The following FAM174B variants were observed in gnomAD, a reference collection of about 807,000 sequenced individuals.
The protein encoded by FAM174B is membrane protein FAM174B.
Under a neutral mutation model 10.9 loss-of-function variants are expected in FAM174B, and 12 were observed. That is an observed-to-expected ratio of 1.10 (90% confidence interval 0.71 to 1.79). FAM174B has a LOEUF of 1.79. FAM174B is among the 40% of genes most tolerant of loss of function. FAM174B has a pLI of 0.00. For synonymous variants in FAM174B, 132 were observed against 115.8 expected, an observed-to-expected ratio of 1.14 and a Z score of -0.90; for missense variants, 266 against 233.3, an observed-to-expected ratio of 1.14 and a Z score of -0.91.
intron 1 of FAM174B, among the ~76,000 whole-genome samples, chr15:92,640,714 G>C (rs147885621): frequency 7.9e-5 from 12 of 151,534 alleles, no homozygotes; most frequent in African/African-American, 2.7e-4. Flanking sequence ...GCATGATTTT[G>C]GCTCACTGCA....
At chr15:92,639,979 C>T (rs1227466319) in intron 1 of FAM174B, among the ~76,000 whole-genome samples, 4 of 151,950 alleles carry the variant, frequency 2.6e-5, no homozygotes, top group Admixed American at 1.3e-4. Flanking sequence ...CAATCAGATG[C>T]TATAGCAGAA....
At chr15:92,632,884 G>A (rs566159002) in intron 1 of FAM174B, among the ~76,000 whole-genome samples, 1 of 149,706 alleles carries the variant, frequency 6.7e-6, no homozygotes, top group East Asian at 2.0e-4. Flanking sequence ...GGAAAGCACT[G>A]ACAGAAGCCA....
intron 1 of FAM174B, among the ~76,000 whole-genome samples, chr15:92,633,147 T>C (rs2141956189): frequency 1.3e-5 from 2 of 152,216 alleles, no homozygotes; most frequent in Middle Eastern, 6.8e-3. Context: ...CACTGAAGAA[T>C]CAGGTTCCCT....
chr15:92,617,678 G>A lies in FAM174B; in HGVS notation c.*1778C>T, dbSNP rs1180072519. 2.9e-6 allele frequency: 2 copies of A among 681,650 alleles called. No individual in the cohort carries two copies. The highest frequency in any genetic ancestry group is 5.3e-6 in the Non-Finnish European group (2 of 377,522). The allele number at this position is 681,650 out of a possible 1,614,324, so 42.2% of individuals were successfully genotyped here. On this transcript the variant is annotated 3_prime_UTR_variant, in exon 3 of 3. Coordinates refer to ENST00000327355, the MANE Select transcript of FAM174B (RefSeq NM_207446.3). ...GCAGTTCCAGTTCAAAGGTTGAGGG[G>A]GCGAACAGCTGCGAGGTGGCCAGGC...
intron 2 of FAM174B, 83 bp downstream of exon 2, chr15:92,630,131 C>T: frequency 6.9e-7 from 1 of 1,443,470 alleles, no homozygotes; most frequent in Non-Finnish European, 9.6e-7. Context: ...AAAACAAGAA[C>T]ACATGGACAC....
intron 1 of FAM174B, among the ~76,000 whole-genome samples, chr15:92,648,908 C>T (rs1255530369): frequency 6.6e-6 from 1 of 152,206 alleles, no homozygotes; most frequent in Non-Finnish European, 1.5e-5. Flanking sequence ...TAACATGATC[C>T]TAAATTCATG....
At chr15:92,627,818 T>C (rs1253217126) in intron 2 of FAM174B, among the ~76,000 whole-genome samples, 4 of 152,206 alleles carry the variant, frequency 2.6e-5, no homozygotes, top group African/African-American at 9.6e-5. Flanking sequence ...TGAATAGTAA[T>C]AAGGACATGG....
chr15:92,631,589 G>A (rs926617200), intron 1 of FAM174B, among the ~76,000 whole-genome samples: 3 of 140,272 alleles, frequency 2.1e-5, no homozygotes, highest in East Asian at 4.1e-4. Context: ...CCGCCTCCCG[G>A]GTTCACACCA....
At position 92,644,586 on chromosome 15, in the gene FAM174B, C is replaced by A. The variant is rs781442123; in HGVS notation, c.344+10730G>T. The stretch of plus-strand genomic sequence containing the variant: ...GTCCTAGGGCACCCCCTCCCCACCA[C>A]GCTGCAGCCCCTCAGTTCCAGCACC... On this transcript the variant is annotated intron_variant, in intron 1 of 2. Coordinates refer to ENST00000327355, the MANE Select transcript of FAM174B (RefSeq NM_207446.3). 1.2e-4 allele frequency among the ~76,000 whole-genome samples: 19 copies of A among 152,142 alleles called. 1 individual carries two copies. Among genetic ancestry groups the A allele is most frequent in the South Asian group, 4.2e-4 (2 of 4,816 alleles).
intron 1 of FAM174B, among the ~76,000 whole-genome samples, chr15:92,630,671 ACACAAATG>A (rs926643251): frequency 5.6e-5 from 8 of 142,808 alleles, no homozygotes; most frequent in African/African-American, 2.3e-4. Context: ...GATAAATAAT[ACACAAATG>A]CAATATATAT....
chr15:92,619,676 A>ACG, intron 2 of FAM174B: 1 of 600,622 alleles, frequency 1.7e-6, no homozygotes, highest in Non-Finnish European at 3.0e-6. Context: ...TCCCTCCCCC[A>ACG]GCTCCCCACA....
intron 2 of FAM174B, among the ~76,000 whole-genome samples, chr15:92,628,338 C>CTTTTTTTTTT (rs35251307): frequency 1.2e-5 from 1 of 84,918 alleles, no homozygotes; most frequent in Non-Finnish European, 2.1e-5. Context: ...CTAATTTTTG[C>CTTTTTTTTTT]TTTTTTTTTT....
At chr15:92,627,958 T>C (rs1386481250) in intron 2 of FAM174B, among the ~76,000 whole-genome samples, 1 of 152,168 alleles carries the variant, frequency 6.6e-6, no homozygotes, top group Non-Finnish European at 1.5e-5. Context: ...AGAGAATTGG[T>C]TCCAAGACCT....
intron 2 of FAM174B, among the ~76,000 whole-genome samples, chr15:92,622,285 A>G (rs2050724724): frequency 6.6e-6 from 1 of 152,254 alleles, no homozygotes; most frequent in Admixed American, 6.5e-5. Context: ...CACACTGCTC[A>G]TCGCAGAATC....
At chr15:92,639,138 A>G (rs1316765460) in intron 1 of FAM174B, 1 of 152,264 alleles carries the variant, frequency 6.6e-6, no homozygotes, top group Non-Finnish European at 1.5e-5. Context: ...TCACACTCCA[A>G]CAAGAGGGTA....
chr15:92,649,654 C>T lies in FAM174B; in HGVS notation c.344+5662G>A, dbSNP rs2141964939. ...GCCCAGAAAGGTTCAATAAACTGCC[C>T]ATATCAGACAACCAGCAGGCCTTGA... On this transcript the variant is annotated intron_variant, in intron 1 of 2. Coordinates refer to ENST00000327355, the MANE Select transcript of FAM174B (RefSeq NM_207446.3). 2.0e-5 allele frequency among the ~76,000 whole-genome samples: 3 copies of T among 152,252 alleles called. 1 individual carries two copies. The highest frequency in any genetic ancestry group is 2.0e-4 in the Admixed American group (3 of 15,300).
At chr15:92,628,429 CTCGGCCTCTCAAA>C (rs2050768400) in intron 2 of FAM174B, among the ~76,000 whole-genome samples, 1 of 149,368 alleles carries the variant, frequency 6.7e-6, no homozygotes, top group Admixed American at 6.7e-5. Flanking sequence ...ATCTGCACTC[CTCGGCCTCTCAAA>C]ATGCTGAGAC....
rs1014371811 is a variant in FAM174B at position 92,620,737 on chromosome 15, C to T, written c.477-1278G>A. On this transcript the variant is annotated intron_variant, in intron 2 of 2. Transcript: ENST00000327355. ...GGCTAAGGCATGAGACTCACTTGAA[C>T]CTGGAAGGCAGAGGTTGCAGTGAGC... Among the ~76,000 whole-genome samples, 3 of 146,832 alleles carry T rather than the reference C, an allele frequency of 2.0e-5. No homozygotes were observed. The Admixed American group carries it at 2.1e-4, about 10-fold the overall frequency.
At chr15:92,623,602 T>C (rs1433515716) in intron 2 of FAM174B, among the ~76,000 whole-genome samples, 5 of 152,160 alleles carry the variant, frequency 3.3e-5, no homozygotes, top group African/African-American at 9.7e-5. Flanking sequence ...GCAGGCAAAA[T>C]AGCCCTCAAC....
Sources: gnomAD v4.1 joint callset for allele counts (sites outside exome capture counted in the v4.1 genomes callset) on GRCh38, gnomAD v4.1.1 for gene constraint, MANE v1.5 for transcripts, NCBI Gene and HGNC (gene_info 2026-07-23, HGNC 2026-07-21) for gene names.